The following HDAC5 variants were observed in gnomAD, a reference collection of about 807,000 sequenced individuals.
The protein encoded by HDAC5 is antigen NY-CO-9.
In HDAC5, 25 loss-of-function variants were observed where a neutral mutation model predicts 133.3. That is an observed-to-expected ratio of 0.19 (90% CI 0.14 to 0.26). The LOEUF (loss-of-function observed/expected upper bound fraction) is 0.26. Ranked by LOEUF, HDAC5 falls within the 10% of genes least tolerant of loss-of-function variation. The probability of loss-of-function intolerance (pLI) is 1.00; values close to 1 mark genes in which losing one functional copy is unlikely to be tolerated. For synonymous variants in HDAC5, 589 were observed against 610.8 expected, an observed-to-expected ratio of 0.96 and a Z score of 0.53; for missense variants, 1,041 against 1,460.5, an observed-to-expected ratio of 0.71 and a Z score of 4.68.
intron 3 of HDAC5, among the ~76,000 whole-genome samples, chr17:44,109,007 G>T (rs1272129612): frequency 6.6e-6 from 1 of 152,146 alleles, no homozygotes; most frequent in African/African-American, 2.4e-5. Flanking sequence ...GGGAGTCCAT[G>T]CAGGGGCAGC....
At chr17:44,123,409 G>A (rs1241140165) in intron 1 of HDAC5, 95 bp downstream of exon 1, 9 of 349,294 alleles carry the variant, frequency 2.6e-5, no homozygotes, top group Admixed American at 4.8e-5. Flanking sequence ...CGCGCGCGCT[G>A]GGAGCCCGCG....
rs116189177 is a variant in HDAC5 at position 44,115,631 on chromosome 17, C to T, written c.22+1863G>A. Among the ~76,000 whole-genome samples, 1,482 of 152,306 alleles carry T rather than the reference C, an allele frequency of 9.7e-3. 31 individuals are homozygous for T. Among genetic ancestry groups the T allele is most frequent in the African/African-American group, 0.033 (1,385 of 41,570 alleles). On this transcript the variant is annotated intron_variant, in intron 2 of 26. Transcript: ENST00000682912. Reference sequence around the variant, plus strand: ...GAACCCCACAACTGGGAAAGCCAGTCCAGAACCCCAGGAACACTCTGCAGG... The same window carrying T: ...GAACCCCACAACTGGGAAAGCCAGTTCAGAACCCCAGGAACACTCTGCAGG...
intron 1 of HDAC5, among the ~76,000 whole-genome samples, chr17:44,122,467 T>A (rs940532485): frequency 1.3e-5 from 2 of 151,922 alleles, no homozygotes; most frequent in African/African-American, 2.4e-5. Flanking sequence ...TAATCCCAGA[T>A]CCCAAAAGCA....
chr17:44,078,805 G>C lies in HDAC5; in HGVS notation c.3153C>G (p.Ile1051Met). 2 of 1,614,096 alleles carry C rather than the reference G, an allele frequency of 1.2e-6. No homozygotes were observed. Among genetic ancestry groups the C allele is most frequent in the Non-Finnish European group, 1.7e-6 (2 of 1,179,990 alleles). Residue 1051 changes from isoleucine (I) to methionine (M), a missense_variant, in exon 25 of 27, where the codon ATC becomes ATG. This residue lies in a region of HDAC5 where 95 missense variants were observed against 107.3 expected (regional missense o/e 0.88). Transcript: ENST00000682912. ...CGTGTCCTCACGCACTCTGGATCTC[G>C]ATGACTTTCTCTAGCGTGGCCACTG... is the stretch of plus-strand genomic sequence containing the variant. ...INAVATLEKV[I>M]EIQSKHWSCV...
Position 44,078,673 on chromosome 17 carries a change from C to A in HDAC5, c.3164-8G>T, listed in dbSNP as rs372567294. 2 of 1,604,230 alleles carry A rather than the reference C, an allele frequency of 1.2e-6. No individual in the cohort carries two copies. The highest frequency in any genetic ancestry group is 1.7e-6 in the Non-Finnish European group (2 of 1,177,104). On this transcript the variant is annotated splice_polypyrimidine_tract_variant and splice_region_variant and intron_variant, in intron 25 of 26. Transcript: ENST00000682912. ...CACAGCTCCAGTGTTTGCCTGTGGA[C>A]GAGAGACAGGCAAGGGGTCAGGGAG...
At chr17:44,110,984 T>A (rs1598023936) in intron 2 of HDAC5, 184 bp from the exon 3 acceptor site, 1 of 592,934 alleles carries the variant, frequency 1.7e-6, no homozygotes, top group East Asian at 2.9e-5. Context: ...GGACCCACAC[T>A]GTAGGGAAGT....
At chr17:44,080,010 C>A (rs1038651980) in intron 23 of HDAC5, 97 bp downstream of exon 23, 9 of 896,160 alleles carry the variant, frequency 1.0e-5, no homozygotes, top group Non-Finnish European at 1.7e-5. Context: ...CTGCTTTCCC[C>A]GTCTGCTGCA....
chr17:44,078,184 G>A lies in HDAC5; in HGVS notation c.*192C>T, dbSNP rs1441109689. The A allele has an allele frequency of 3.8e-6, 2 of 525,824 alleles. No homozygotes were observed. The highest frequency in any genetic ancestry group is 6.6e-6 in the Non-Finnish European group (2 of 304,778). 32.6% of individuals were successfully genotyped at this position (525,824 alleles called of 1,614,324 possible). ...GGCTGGGAAGACACCACCACCCCCT[G>A]CAGAGGGAGCAGGCTTCTAGAGCTG... On this transcript the variant is annotated 3_prime_UTR_variant, in exon 27 of 27. Coordinates refer to ENST00000682912, the MANE Select transcript of HDAC5 (RefSeq NM_005474.5).
At chr17:44,086,849 C>T (rs1318945694) in intron 13 of HDAC5, 112 bp from the exon 14 acceptor site, 11 of 745,362 alleles carry the variant, frequency 1.5e-5, no homozygotes, top group African/African-American at 5.5e-5. Context: ...TCTTCCAAGT[C>T]TCCTTCCCCC....
chr17:44,079,656 A>G (rs934664776), intron 23 of HDAC5, among the ~76,000 whole-genome samples: 3 of 151,570 alleles, frequency 2.0e-5, no homozygotes, highest in African/African-American at 4.8e-5. Context: ...AAAAAAAAAA[A>G]AAAAGAAAGA....
intron 3 of HDAC5, among the ~76,000 whole-genome samples, chr17:44,106,354 C>T (rs1052509298): frequency 1.3e-5 from 2 of 152,176 alleles, no homozygotes; most frequent in South Asian, 2.1e-4. Flanking sequence ...CTCTCACAAC[C>T]CCAGGAGGCC....
Position 44,079,267 on chromosome 17 carries a change from G to A in HDAC5, c.2955C>T (p.His985=). Residue 985 remains histidine, a synonymous_variant, in exon 24 of 27, where the codon CAC becomes CAT. Transcript: ENST00000682912. ...GYSVTARCFG[H]LTRQLMTLAG... Reference sequence around the variant, plus strand: ...CCAGGGTCATCAGCTGCCTGGTCAAGTGGCCAAAACCTTTGAGGATGGGTG... The same window carrying A: ...CCAGGGTCATCAGCTGCCTGGTCAAATGGCCAAAACCTTTGAGGATGGGTG... The A allele has an allele frequency of 6.2e-7, 1 of 1,613,618 alleles. No individual in the cohort carries two copies. Among genetic ancestry groups the A allele is most frequent in the Non-Finnish European group, 8.5e-7 (1 of 1,179,786 alleles).
chr17:44,122,904 G>A (rs1274828204), intron 1 of HDAC5, among the ~76,000 whole-genome samples: 3 of 152,192 alleles, frequency 2.0e-5, no homozygotes, highest in East Asian at 1.9e-4. Flanking sequence ...AGGAGAAGAG[G>A]GTGGCAACAA....
At chr17:44,102,443 C>T (rs1243490276) in intron 3 of HDAC5, among the ~76,000 whole-genome samples, 1 of 152,186 alleles carries the variant, frequency 6.6e-6, no homozygotes, top group Non-Finnish European at 1.5e-5. Flanking sequence ...TCACTGCAAC[C>T]TCCACCTCCC....
intron 3 of HDAC5, among the ~76,000 whole-genome samples, chr17:44,101,864 C>T (rs1597997810): frequency 7.7e-6 from 1 of 130,524 alleles, no homozygotes. Flanking sequence ...GTCTCAAAAA[C>T]AATAAAGAGG....
At chr17:44,100,820 C>T (rs1248288226) in intron 3 of HDAC5, among the ~76,000 whole-genome samples, 2 of 149,920 alleles carry the variant, frequency 1.3e-5, no homozygotes, top group African/African-American at 2.4e-5. Flanking sequence ...GACGGAGTCT[C>T]GCTCTGTCGC....
chr17:44,098,406 G>C (rs980212255), intron 3 of HDAC5, among the ~76,000 whole-genome samples: 1 of 152,286 alleles, frequency 6.6e-6, no homozygotes, highest in Middle Eastern at 3.4e-3. Context: ...GACAGGCCCG[G>C]GGCGTGGTGG....
In HDAC5 at chr17:44,082,781, C is replaced by T; in HGVS notation, c.2503G>A (p.Glu835Lys). The change falls in exon 19 of 27, where the codon GAG becomes AAG. Residue 835 changes from glutamate to lysine, a missense_variant. By Grantham distance (56) the Glu-to-Lys change is moderately conservative. Transcript: ENST00000682912. Reference protein sequence around the residue: ...AIIRPPGHHAEESTAMGFCFF... With the variant: ...AIIRPPGHHAKESTAMGFCFF... ...GGCACTCACATGGCTGTGGATTCCTCGGCGTGGTGTCCTGGGGGCCGGATG... is the reference window on the plus strand; with the variant it reads ...GGCACTCACATGGCTGTGGATTCCTTGGCGTGGTGTCCTGGGGGCCGGATG... 6.4e-7 allele frequency: 1 copy of T among 1,567,184 alleles called. No homozygotes were observed. The highest frequency in any genetic ancestry group is 8.7e-7 in the Non-Finnish European group (1 of 1,155,060).
chr17:44,123,382 G>A lies in HDAC5; in HGVS notation c.-190+122C>T, dbSNP rs369879103. On this transcript the variant is annotated intron_variant, in intron 1 of 26. Transcript: ENST00000682912. ...GCTCCCAGGGCCGGGAGGAAGGAAG[G>A]GGGGCGCGGAGCGCGGCGCGCGCGC... is the stretch of plus-strand genomic sequence containing the variant. 17 of 339,944 alleles carry A rather than the reference G, an allele frequency of 5.0e-5. No homozygotes were observed. The Admixed American group carries it at 6.3e-4, about 13-fold the overall frequency. 21.1% of individuals were successfully genotyped at this position (339,944 alleles called of 1,614,324 possible). A position where few individuals can be genotyped will look rare whatever the true frequency, so the allele number is the denominator to read the frequency against.
Sources: gnomAD v4.1 joint callset for allele counts (sites outside exome capture counted in the v4.1 genomes callset) on GRCh38, gnomAD v4.1.1 for gene constraint, gnomAD v4.1.1 regional missense constraint, MANE v1.5 for transcripts, NCBI Gene and HGNC (gene_info 2026-07-23, HGNC 2026-07-21) for gene names.